DCAF1: variants seen among roughly 807,000 people sequenced by gnomAD.
DCAF1 encodes the protein DDB1 and CUL4 associated factor 1.
Under a neutral mutation model 128.0 loss-of-function variants are expected in DCAF1, and 15 were observed. That is an observed-to-expected ratio of 0.12 (90% confidence interval 0.08 to 0.18). The LOEUF (loss-of-function observed/expected upper bound fraction) is 0.18, where lower values mean the gene tolerates loss of function less well. DCAF1 is among the 10% of genes least tolerant of loss of function. The pLI is 1.00. For missense variants in DCAF1, 988 were observed against 1,649.5 expected, an observed-to-expected ratio of 0.60 and a Z score of 6.95; for synonymous variants, 610 against 603.0, an observed-to-expected ratio of 1.01 and a Z score of -0.17.
At chr3:51,396,106 T>TTAAG (rs1320473363), downstream of DCAF1, 3 of 409,808 alleles carry the variant, frequency 7.3e-6, no homozygotes, top group East Asian at 7.2e-5. Context: ...TGGTATGTTG[T>TTAAG]TAAGTCCAAA....
At chr3:51,403,085 A>G in intron 24 of DCAF1, 58 bp downstream of exon 24, 3 of 1,546,688 alleles carry the variant, frequency 1.9e-6, no homozygotes, top group Non-Finnish European at 2.6e-6. Flanking sequence ...TATGGGCACA[A>G]AAGAAGGGAT....
chr3:51,466,561 C>T (rs1411388865), intron 5 of DCAF1, among the ~76,000 whole-genome samples: 3 of 151,968 alleles, frequency 2.0e-5, no homozygotes, highest in African/African-American at 7.3e-5. Context: ...GAAGAGGGCC[C>T]CTATATTCTC....
intron 9 of DCAF1, chr3:51,440,186 C>T: frequency 2.0e-6 from 1 of 506,080 alleles, no homozygotes. Flanking sequence ...AGATAGTAAG[C>T]CTCCTCTCTT....
upstream of DCAF1, among the ~76,000 whole-genome samples, chr3:51,504,077 GC>G (rs1708884635): frequency 1.4e-5 from 2 of 142,048 alleles, no homozygotes; most frequent in Non-Finnish European, 3.0e-5. Flanking sequence ...TGGCTCTGTC[GC>G]CCAGGCTGGA....
chr3:51,428,117 AG>A (rs1203752078), intron 12 of DCAF1, among the ~76,000 whole-genome samples: 3 of 152,176 alleles, frequency 2.0e-5, no homozygotes, highest in Non-Finnish European at 2.9e-5. Context: ...AGATAACAAA[AG>A]TTTCCTTTGT....
chr3:51,409,381 T>G (rs2107069961), intron 23 of DCAF1, among the ~76,000 whole-genome samples: 1 of 152,122 alleles, frequency 6.6e-6, no homozygotes, highest in South Asian at 2.1e-4. Flanking sequence ...TCTAGGGCAA[T>G]CTCAACTTTC....
rs190448558 is a variant in DCAF1 at position 51,477,328 on chromosome 3, A to C, written c.111-6323T>G. On this transcript the variant is annotated intron_variant, in intron 3 of 24. Transcript: ENST00000684031. ...GCCAGATGAGTGAAGAAAAAAAAAA[A>C]ACAAAAAACCCTAGAACTATTTTAG... Among the ~76,000 whole-genome samples, 431 of 152,048 alleles carry C rather than the reference A, an allele frequency of 2.8e-3. 3 individuals are homozygous for C. Among genetic ancestry groups the C allele is most frequent in the African/African-American group, 9.9e-3 (409 of 41,506 alleles).
At chr3:51,471,405 G>T (rs1024654068) in intron 3 of DCAF1, among the ~76,000 whole-genome samples, 6 of 151,572 alleles carry the variant, frequency 4.0e-5, no homozygotes, top group African/African-American at 1.2e-4. Context: ...GGATGGTCTC[G>T]ATCTCCTGAC....
chr3:51,399,053 G>A (rs976224521), intron 24 of DCAF1, among the ~76,000 whole-genome samples: 2 of 152,250 alleles, frequency 1.3e-5, no homozygotes, highest in Non-Finnish European at 2.9e-5. Flanking sequence ...TAAGGGCCTG[G>A]ACACAGTTCC....
chr3:51,444,678 G>C (rs1701674295), intron 6 of DCAF1, among the ~76,000 whole-genome samples: 1 of 143,848 alleles, frequency 7.0e-6, no homozygotes, highest in Non-Finnish European at 1.5e-5. Flanking sequence ...TTGATTGATT[G>C]ATTGATTGAT....
chr3:51,398,018 C>CT lies in DCAF1; in HGVS notation c.*750dup, dbSNP rs2089332384. 1 of 161,068 alleles carries CT rather than the reference C, an allele frequency of 6.2e-6. No individual in the cohort carries two copies. Among genetic ancestry groups the CT allele is most frequent in the African/African-American group, 2.4e-5 (1 of 41,356 alleles). 10.0% of individuals were successfully genotyped at this position (161,068 alleles called of 1,614,324 possible). ...GGAGTGAACTTATATCCTAAGTTCC[C>CT]TCAACTCCACAAAACCAATATCCAC... On this transcript the variant is annotated 3_prime_UTR_variant, in exon 25 of 25. Coordinates refer to ENST00000684031, the MANE Select transcript of DCAF1 (RefSeq NM_001387579.1).
chr3:51,424,339 G>T (rs1699713132), intron 13 of DCAF1, among the ~76,000 whole-genome samples: 1 of 151,494 alleles, frequency 6.6e-6, no homozygotes, highest in African/African-American at 2.4e-5. Context: ...GGCGGAGGTT[G>T]CCATAAGCCG....
intron 3 of DCAF1, among the ~76,000 whole-genome samples, chr3:51,477,590 G>A (rs1433268923): frequency 6.6e-6 from 1 of 151,816 alleles, no homozygotes; most frequent in Non-Finnish European, 1.5e-5. Context: ...TCACAACACT[G>A]TACTCCAGCC....
At chr3:51,488,821 C>G (rs1400229137) in intron 2 of DCAF1, among the ~76,000 whole-genome samples, 1 of 151,746 alleles carries the variant, frequency 6.6e-6, no homozygotes, top group Non-Finnish European at 1.5e-5. Flanking sequence ...AAAAATTATC[C>G]GGGCGTGGTG....
At chr3:51,458,012 G>A (rs1405284372) in intron 6 of DCAF1, among the ~76,000 whole-genome samples, 2 of 152,134 alleles carry the variant, frequency 1.3e-5, no homozygotes, top group African/African-American at 4.8e-5. Flanking sequence ...CAACTATCGA[G>A]CAAAATAACC....
intron 4 of DCAF1, among the ~76,000 whole-genome samples, chr3:51,468,124 A>G (rs1422516264): frequency 1.3e-5 from 2 of 152,222 alleles, no homozygotes; most frequent in African/African-American, 2.4e-5. Context: ...AACTCAATGC[A>G]TAGCCTAACG....
At chr3:51,398,855 G>A (rs781874541) in intron 24 of DCAF1, 28 bp from the exon 25 acceptor site, 5 of 1,569,262 alleles carry the variant, frequency 3.2e-6, no homozygotes, top group Admixed American at 1.9e-5. Flanking sequence ...GGAGAGACAA[G>A]ATTACACACT....
intron 23 of DCAF1, among the ~76,000 whole-genome samples, chr3:51,407,157 T>C (rs1315732432): frequency 4.5e-5 from 2 of 44,484 alleles, no homozygotes; most frequent in Non-Finnish European, 7.5e-5. Flanking sequence ...AGACTCCATC[T>C]CAAAAAAAAA....
rs1553632188 is a variant in DCAF1, at chr3:51,420,550, T to C, written c.2420A>G (p.Lys807Arg). The change falls in exon 15 of 25, where the codon AAG becomes AGG. Residue 807 changes from lysine (K) to arginine (R), a missense_variant. Physicochemically the swap from Lys to Arg is conservative, Grantham distance 26. Transcript: ENST00000684031. The surrounding 1 kb of genome is among the most constrained non-coding windows in gnomAD (Gnocchi z 6.5). ...CCGTTCAATGAGTTCAGCAGCATAC[T>C]TGCAGAACTTGACATGGTCACTGCG... The part of the protein sequence containing the change: ...DKRSDHVKFC[K>R]YAAELIERVS... The C allele has an allele frequency of 1.2e-6, 2 of 1,613,860 alleles. No homozygotes were observed. The highest frequency in any genetic ancestry group is 2.2e-5 in the East Asian group (1 of 44,900).
Sources: gnomAD v4.1 joint callset for allele counts (sites outside exome capture counted in the v4.1 genomes callset) on GRCh38, gnomAD v4.1.1 for gene constraint, Gnocchi (gnomAD v3.1) non-coding constraint, MANE v1.5 for transcripts, NCBI Gene and HGNC (gene_info 2026-07-23, HGNC 2026-07-21) for gene names.